Variants in CELF2 observed in about 807,000 individuals in gnomAD.
CELF2 encodes CUGBP Elav-like family member 2, also known as CUG triplet repeat RNA-binding protein 2.
Under a neutral mutation model 62.6 loss-of-function variants are expected in CELF2, and 8 were observed. That is an observed-to-expected ratio of 0.13 (90% CI 0.07 to 0.23). The LOEUF is 0.23. Among genes scored for constraint, CELF2 ranks in the 10% least tolerant of loss-of-function variants. The probability of loss-of-function intolerance (pLI) is 1.00; values close to 1 mark genes in which losing one functional copy is unlikely to be tolerated. For missense variants in CELF2, 333 were observed against 671.0 expected (o/e 0.50, Z 5.56); for synonymous variants, 258 against 250.0 (o/e 1.03, Z -0.30).
At chr10:11,128,920 C>T (rs996280712) in intron 1 of CELF2, among the ~76,000 whole-genome samples, 2 of 152,228 alleles carry the variant, frequency 1.3e-5, no homozygotes, top group South Asian at 2.1e-4. Flanking sequence ...CTATGTTGAA[C>T]AGGAGTGGTG....
intron 2 of CELF2, among the ~76,000 whole-genome samples, chr10:11,169,784 C>T (rs1309421849): frequency 2.0e-5 from 3 of 152,104 alleles, no homozygotes; most frequent in Non-Finnish European, 2.9e-5. Context: ...GAGGGACAGA[C>T]GGACAGTGGA....
the CELF2 span, among the ~76,000 whole-genome samples, chr10:10,672,528 G>A: frequency 1.3e-5 from 2 of 149,032 alleles, no homozygotes; most frequent in Non-Finnish European, 3.0e-5. Flanking sequence ...TGTCTAGTTG[G>A]TCCGGCACAA....
At position 10,946,619 on chromosome 10, in the gene CELF2, A is replaced by AGT. The variant is rs1361464162; in HGVS notation, c.89+26623_89+26624dup. 4 of 152,338 alleles carry AGT rather than the reference A, an allele frequency of 2.6e-5. No individual in the cohort carries two copies. In the South Asian group the frequency reaches 8.3e-4, roughly 32 times the overall value. The allele number at this position is 152,338 out of a possible 1,614,324, so 9.4% of individuals were successfully genotyped here. On this transcript the variant is annotated intron_variant, in intron 2 of 13. Transcript: ENST00000636488. ...TCTTTTCCTAAAGAGATAAAGTTTTAGTGTTTTTTTTTTATTTAATAAAGA... is the reference window on the plus strand; with the variant it reads ...TCTTTTCCTAAAGAGATAAAGTTTTAGTGTGTTTTTTTTTTATTTAATAAAGA...
intron 1 of CELF2, among the ~76,000 whole-genome samples, chr10:11,160,307 T>C (rs2065415349): frequency 6.6e-6 from 1 of 152,210 alleles, no homozygotes; most frequent in Non-Finnish European, 1.5e-5. Context: ...TGAGCCAGGA[T>C]GAGAACTCAG....
chr10:10,529,179 T>C, the CELF2 span, among the ~76,000 whole-genome samples: 5 of 152,328 alleles, frequency 3.3e-5, no homozygotes, highest in South Asian at 6.2e-4. Flanking sequence ...CGGCCTGTAT[T>C]TCTGCTCTGT....
At chr10:11,287,941 C>T (rs1590751227) in intron 8 of CELF2, among the ~76,000 whole-genome samples, 2 of 152,210 alleles carry the variant, frequency 1.3e-5, no homozygotes, top group Admixed American at 6.5e-5. Flanking sequence ...TGAAATACCT[C>T]GTTTTGAGGG....
the CELF2 span, among the ~76,000 whole-genome samples, chr10:10,736,387 TC>T: frequency 2.3e-5 from 2 of 85,592 alleles, no homozygotes; most frequent in South Asian, 3.0e-4. Flanking sequence ...TTTCTTTCTT[TC>T]TTTCTTTCTT....
chr10:11,086,578 TAAAAAAAAAAAAA>T (rs1168932032), intron 1 of CELF2, among the ~76,000 whole-genome samples: 1,888 of 72,026 alleles, frequency 0.026, 38 homozygotes, highest in Non-Finnish European at 0.034. Flanking sequence ...TTGCATTTGT[TAAAAAAAAAAAAA>T]AAAAAAAAAA....
At chr10:11,256,105 C>T (rs1292506099) in intron 4 of CELF2, among the ~76,000 whole-genome samples, 1 of 152,266 alleles carries the variant, frequency 6.6e-6, no homozygotes, top group African/African-American at 2.4e-5. Context: ...GAAGAGGAGC[C>T]TTTAGCTGTC....
chr10:11,320,778 C>T, intron 10 of CELF2: 2 of 1,404,118 alleles, frequency 1.4e-6, no homozygotes, highest in East Asian at 2.5e-5. Context: ...TCAAAGAGCC[C>T]AGTAAATGGA....
At chr10:11,229,537 G>T (rs1286859708) in intron 3 of CELF2, among the ~76,000 whole-genome samples, 1 of 151,928 alleles carries the variant, frequency 6.6e-6, no homozygotes, top group Admixed American at 6.6e-5. Context: ...TTAAAACTGT[G>T]TATGCCCAGG....
the CELF2 span, among the ~76,000 whole-genome samples, chr10:10,465,199 T>C: frequency 6.6e-6 from 1 of 152,158 alleles, no homozygotes; most frequent in Non-Finnish European, 1.5e-5. Flanking sequence ...AGTTGCTCAA[T>C]TTATTATAAA....
chr10:10,691,163 C>G, the CELF2 span, among the ~76,000 whole-genome samples: 8 of 151,614 alleles, frequency 5.3e-5, no homozygotes, highest in Non-Finnish European at 8.8e-5. Flanking sequence ...CCTCTCCCCC[C>G]ACCCCACAAC....
intron 1 of CELF2, among the ~76,000 whole-genome samples, chr10:10,909,069 C>T (rs963205327): frequency 1.3e-5 from 2 of 152,188 alleles, no homozygotes; most frequent in South Asian, 2.1e-4. Context: ...GAATTACAGG[C>T]GTGAGCCACC....
the CELF2 span, among the ~76,000 whole-genome samples, chr10:10,788,814 C>T: frequency 6.6e-6 from 1 of 152,082 alleles, no homozygotes; most frequent in Non-Finnish European, 1.5e-5. Context: ...TGTTGGAAGT[C>T]AAAAACTGGA....
chr10:10,733,494 G>A, the CELF2 span, among the ~76,000 whole-genome samples: 2 of 152,032 alleles, frequency 1.3e-5, no homozygotes, highest in Admixed American at 6.5e-5. Flanking sequence ...ATCCAGGGAT[G>A]GGTTCAAGTT....
At chr10:10,797,621 A>T (rs912084), upstream of CELF2, among the ~76,000 whole-genome samples, 1,644 of 152,312 alleles carry the variant, frequency 0.011, 36 homozygotes, top group East Asian at 0.093. Context: ...TGTTGCAGGC[A>T]GCTGCAGCAG....
intron 1 of CELF2, among the ~76,000 whole-genome samples, chr10:10,887,047 G>A (rs919500379): frequency 6.6e-6 from 1 of 152,140 alleles, no homozygotes; most frequent in Admixed American, 6.5e-5. Flanking sequence ...AGTCTCTCAT[G>A]CATTAACTCC....
the CELF2 span, among the ~76,000 whole-genome samples, chr10:10,779,939 A>G: frequency 6.6e-6 from 1 of 152,100 alleles, no homozygotes; most frequent in Non-Finnish European, 1.5e-5. Context: ...TGGATGGATC[A>G]CTGCAGAAAG....
Sources: gnomAD v4.1 joint callset for allele counts (sites outside exome capture counted in the v4.1 genomes callset) on GRCh38, gnomAD v4.1.1 for gene constraint, MANE v1.5 for transcripts, NCBI Gene and HGNC (gene_info 2026-07-23, HGNC 2026-07-21) for gene names.